LHFPL2: variants seen among roughly 807,000 people sequenced by gnomAD.
LHFPL2 encodes LHFPL tetraspan subfamily member 2 protein.
A neutral mutation model predicts 17.5 loss-of-function variants in LHFPL2; 7 were observed. The observed-to-expected ratio is 0.40, with a 90% CI of 0.23 to 0.75. The LOEUF (loss-of-function observed/expected upper bound fraction) is 0.75, where lower values mean the gene tolerates loss of function less well. LHFPL2 is among the 30% of genes least tolerant of loss of function. The pLI, the probability that LHFPL2 is intolerant of heterozygous loss-of-function variation, is 0.37. For missense variants in LHFPL2, 241 were observed against 294.8 expected (o/e 0.82, Z 1.34); for synonymous variants, 134 against 116.2 (o/e 1.15, Z -0.99).
chr5:78,517,377 C>T (rs980495554), intron 3 of LHFPL2, among the ~76,000 whole-genome samples: 1 of 152,176 alleles, frequency 6.6e-6, no homozygotes, highest in African/African-American at 2.4e-5. Flanking sequence ...CTCCTGTATC[C>T]AATTAATCTA....
At chr5:78,589,596 G>A (rs1206512947) in intron 2 of LHFPL2, among the ~76,000 whole-genome samples, 1 of 152,110 alleles carries the variant, frequency 6.6e-6, no homozygotes, top group Non-Finnish European at 1.5e-5. Context: ...ACTCTTGCCC[G>A]CCTTTCCCTG....
intron 2 of LHFPL2, among the ~76,000 whole-genome samples, chr5:78,616,564 C>T (rs76770097): frequency 4.8e-4 from 73 of 152,270 alleles, no homozygotes; most frequent in African/African-American, 1.8e-3. Flanking sequence ...CCAATAAATG[C>T]TCACCTCCCC....
At chr5:78,580,387 T>C (rs1379005849) in intron 2 of LHFPL2, among the ~76,000 whole-genome samples, 1 of 152,164 alleles carries the variant, frequency 6.6e-6, no homozygotes, top group African/African-American at 2.4e-5. Flanking sequence ...TTGTTGCCAT[T>C]GCTTTTGGTG....
At chr5:78,561,487 T>G (rs1756724775) in intron 3 of LHFPL2, among the ~76,000 whole-genome samples, 1 of 152,244 alleles carries the variant, frequency 6.6e-6, no homozygotes, top group Non-Finnish European at 1.5e-5. Context: ...CAACTCCCAG[T>G]GCTGCGTTCG....
At chr5:78,525,320 T>C (rs1580774876) in intron 3 of LHFPL2, among the ~76,000 whole-genome samples, 3 of 152,204 alleles carry the variant, frequency 2.0e-5, no homozygotes, top group Admixed American at 6.5e-5. Context: ...GGATATCTTA[T>C]AGGGTAGAGA....
intron 2 of LHFPL2, among the ~76,000 whole-genome samples, chr5:78,566,560 C>T (rs540359976): frequency 3.3e-5 from 5 of 152,084 alleles, no homozygotes; most frequent in Middle Eastern, 3.4e-3. Context: ...ACCTCCTGGG[C>T]GATTCTCTTG....
In LHFPL2 at chr5:78,619,464, G is replaced by A. The variant is rs542127186; in HGVS notation, c.-245+12800C>T. 4.6e-5 allele frequency among the ~76,000 whole-genome samples: 7 copies of A among 150,816 alleles called. No homozygotes were observed. The South Asian group carries it at 6.3e-4, about 14-fold the overall frequency. On this transcript the variant is annotated intron_variant, in intron 2 of 4. Coordinates refer to ENST00000380345, the MANE Select transcript of LHFPL2 (RefSeq NM_005779.3). ...CCTTTAGAGTTTACAGTTTACACTC[G>A]CTATGCCTCAGAGTTTTTATTTATA...
In LHFPL2 at chr5:78,509,878, G is replaced by A. The variant is rs199589292; in HGVS notation, c.336C>T (p.Cys112=). The change falls in exon 4 of 5, where the codon TGC becomes TGT. Residue 112 remains cysteine (C), a synonymous_variant. Coordinates refer to ENST00000380345, the MANE Select transcript of LHFPL2 (RefSeq NM_005779.3). ...IFLAVGIFIL[C]MVALVSVFTM... is the part of the protein sequence containing the mutation. Reference sequence around the variant, plus strand: ...TGAAGACGGACACCAAGGCCACCATGCAGAGAATAAAGATTCCCACAGCCA... The same window carrying A: ...TGAAGACGGACACCAAGGCCACCATACAGAGAATAAAGATTCCCACAGCCA... 12 of 1,613,750 alleles carry A rather than the reference G, an allele frequency of 7.4e-6. No homozygotes were observed. In the African/African-American group the frequency reaches 8.0e-5, roughly 11 times the overall value.
intron 2 of LHFPL2, among the ~76,000 whole-genome samples, chr5:78,576,387 C>G (rs998803174): frequency 1.3e-5 from 2 of 152,040 alleles, no homozygotes; most frequent in African/African-American, 4.8e-5. Flanking sequence ...TAAATAAATA[C>G]GTAAAGGTAA....
chr5:78,616,519 C>T (rs1744621215), intron 2 of LHFPL2, among the ~76,000 whole-genome samples: 2 of 152,162 alleles, frequency 1.3e-5, no homozygotes, highest in African/African-American at 4.8e-5. Flanking sequence ...AGTAAGAATT[C>T]CAAGGCAGTC....
chr5:78,542,679 C>T (rs1756149539), intron 3 of LHFPL2, among the ~76,000 whole-genome samples: 1 of 152,198 alleles, frequency 6.6e-6, no homozygotes, highest in Non-Finnish European at 1.5e-5. Context: ...CAGACTGCTT[C>T]TCCCACTGAA....
At chr5:78,518,477 A>C (rs1462891959) in intron 3 of LHFPL2, among the ~76,000 whole-genome samples, 2 of 152,224 alleles carry the variant, frequency 1.3e-5, no homozygotes, top group Non-Finnish European at 2.9e-5. Context: ...AATATTTAGG[A>C]TTCATATTAC....
intron 4 of LHFPL2, among the ~76,000 whole-genome samples, chr5:78,496,678 G>A (rs1349278233): frequency 6.6e-6 from 1 of 152,172 alleles, no homozygotes; most frequent in Non-Finnish European, 1.5e-5. Context: ...TTTCAGTGGG[G>A]ACAGCTTCAC....
chr5:78,644,854 C>CT, intron 1 of LHFPL2: 1 of 188,276 alleles, frequency 5.3e-6, no homozygotes. Flanking sequence ...ATGTTTAGTT[C>CT]TTTTTTTCCT....
At chr5:78,571,621 G>A (rs570917642) in intron 2 of LHFPL2, among the ~76,000 whole-genome samples, 1 of 152,226 alleles carries the variant, frequency 6.6e-6, no homozygotes, top group South Asian at 2.1e-4. Context: ...CAGAGGGTGA[G>A]GCAGGCCCCC....
At chr5:78,547,013 G>GT (rs1248597724) in intron 3 of LHFPL2, among the ~76,000 whole-genome samples, 4 of 140,696 alleles carry the variant, frequency 2.8e-5, no homozygotes, top group Non-Finnish European at 4.7e-5. Flanking sequence ...AACTGTACTG[G>GT]TAAAAAAAAA....
chr5:78,576,797 G>A (rs1757147021), intron 2 of LHFPL2, among the ~76,000 whole-genome samples: 1 of 152,130 alleles, frequency 6.6e-6, no homozygotes, highest in South Asian at 2.1e-4. Context: ...AGGTTCAGGG[G>A]TACATAGGCA....
At chr5:78,573,542 A>C (rs1428741729) in intron 2 of LHFPL2, among the ~76,000 whole-genome samples, 14 of 152,226 alleles carry the variant, frequency 9.2e-5, no homozygotes. Flanking sequence ...AGGGAAGGGC[A>C]TGTTGGAGGT....
intron 3 of LHFPL2, among the ~76,000 whole-genome samples, chr5:78,549,833 T>G (rs1246071864): frequency 1.3e-5 from 2 of 152,186 alleles, no homozygotes; most frequent in African/African-American, 4.8e-5. Flanking sequence ...TAGCACACAA[T>G]ATGGTAATTC....
Sources: allele counts gnomAD v4.1 joint callset (sites outside exome capture counted in the v4.1 genomes callset), GRCh38; gene constraint gnomAD v4.1.1; transcripts MANE v1.5; gene names NCBI Gene and HGNC (gene_info 2026-07-23, HGNC 2026-07-21).